The following SSC4D variants were observed in gnomAD, a reference collection of about 807,000 sequenced individuals.
The protein encoded by SSC4D is scavenger receptor cysteine rich family member with 4 domains, also known as scavenger receptor cysteine-rich domain-containing group B protein.
SSC4D carries 57 observed loss-of-function variants against 63.4 expected under a neutral mutation model. The observed-to-expected ratio is 0.90, with a 90% CI of 0.73 to 1.12. The LOEUF (loss-of-function observed/expected upper bound fraction) is 1.12, where lower values mean the gene tolerates loss of function less well. SSC4D is among the 50% of genes most tolerant of loss of function. The pLI, the probability that SSC4D is intolerant of heterozygous loss-of-function variation, is 0.00. For synonymous variants in SSC4D, 352 were observed against 345.4 expected (o/e 1.02, Z -0.21); for missense variants, 791 against 806.4 (o/e 0.98, Z 0.23).
intron 7 of SSC4D, 145 bp from the exon 8 acceptor site, chr7:76,394,049 C>G: frequency 1.3e-6 from 1 of 762,590 alleles, no homozygotes; most frequent in East Asian, 3.0e-5. Flanking sequence ...ACCACGTTGT[C>G]TGGCGCGGGT....
intron 1 of SSC4D, among the ~76,000 whole-genome samples, chr7:76,405,014 G>A (rs183186299): frequency 6.6e-6 from 1 of 151,508 alleles, no homozygotes; most frequent in East Asian, 2.0e-4. Context: ...AAGTTGCAGT[G>A]AGCTGAGATC....
At position 76,393,502 on chromosome 7, in the gene SSC4D, G is replaced by T; in HGVS notation, c.1236C>A (p.Gly412=). Residue 412 remains glycine, a synonymous_variant, in exon 9 of 11, where the codon GGC becomes GGA. Transcript: ENST00000275560. ...GRGPVLLDNV[G]CAGTEARLSD... ...TCAGGCGAGCCTCGGTGCCGGCGCA[G>T]CCCACGTTGTCCAGCAGCACGGGGC... The T allele has an allele frequency of 6.6e-7, 1 of 1,525,192 alleles. No individual in the cohort carries two copies. The highest frequency in any genetic ancestry group is 8.7e-7 in the Non-Finnish European group (1 of 1,143,256). 94.5% of individuals were successfully genotyped at this position (1,525,192 alleles called of 1,614,324 possible).
Position 76,404,446 on chromosome 7 carries a change from G to A in SSC4D, c.-7C>T, listed in dbSNP as rs1804934215. The A allele has an allele frequency of 2.5e-6, 4 of 1,613,888 alleles. No individual in the cohort carries two copies. Reference sequence around the variant, plus strand: ...TCTCTGCTTCCTTGTGCATCTAGATGGTGAAGGGTGTTTCAGATGCTCCCA... The same window carrying A: ...TCTCTGCTTCCTTGTGCATCTAGATAGTGAAGGGTGTTTCAGATGCTCCCA... On this transcript the variant is annotated 5_prime_UTR_variant, in exon 2 of 11. Coordinates refer to ENST00000275560, the MANE Select transcript of SSC4D (RefSeq NM_080744.2).
chr7:76,394,765 A>G (rs984003458), intron 7 of SSC4D, among the ~76,000 whole-genome samples: 2 of 144,148 alleles, frequency 1.4e-5, no homozygotes, highest in Admixed American at 1.4e-4. Flanking sequence ...ATATATATAT[A>G]TATAAAATAT....
rs1804566239 is a variant in SSC4D, at chr7:76,393,839, C to T, written c.1012G>A (p.Gly338Arg). 6.3e-7 allele frequency: 1 copy of T among 1,598,930 alleles called. No homozygotes were observed. Among genetic ancestry groups the T allele is most frequent in the Non-Finnish European group, 8.5e-7 (1 of 1,171,894 alleles). ...ALLTTAAWAA[G>R]KKSGRLRLVG... ...AGGCACCGCCACTTACTTTTCTTCCCCGCGGCCCAGGCGGCGGTGGTGAGC... is the reference window on the plus strand; with the variant it reads ...AGGCACCGCCACTTACTTTTCTTCCTCGCGGCCCAGGCGGCGGTGGTGAGC... The change falls in exon 8 of 11, where the codon GGG becomes AGG. Residue 338 changes from glycine to arginine, a missense_variant. Coordinates refer to ENST00000275560, the MANE Select transcript of SSC4D (RefSeq NM_080744.2).
intron 9 of SSC4D, 39 bp from the exon 10 acceptor site, chr7:76,392,080 C>A (rs764623489): frequency 6.5e-7 from 1 of 1,547,092 alleles, no homozygotes; most frequent in Non-Finnish European, 8.7e-7. Context: ...GTGGCTCTCA[C>A]AATGGGAAGC....
At chr7:76,393,997 C>G in intron 7 of SSC4D, 93 bp from the exon 8 acceptor site, 1 of 1,289,102 alleles carries the variant, frequency 7.8e-7, no homozygotes, top group Non-Finnish European at 1.1e-6. Flanking sequence ...GACCCCCAAC[C>G]CTACCACACC....
chr7:76,393,827 T>TA lies in SSC4D; in HGVS notation c.1021+2dup, dbSNP rs1804565859. 7 of 1,590,608 alleles carry TA rather than the reference T, an allele frequency of 4.4e-6. No individual in the cohort carries two copies. Among genetic ancestry groups the TA allele is most frequent in the Non-Finnish European group, 6.0e-6 (7 of 1,167,120 alleles). On this transcript the variant is annotated splice_region_variant and intron_variant, in intron 8 of 10. Transcript: ENST00000275560. Reference sequence around the variant, plus strand: ...CCCCGCAGACCCAGGCACCGCCACTTACTTTTCTTCCCCGCGGCCCAGGCG... The same window carrying TA: ...CCCCGCAGACCCAGGCACCGCCACTTAACTTTTCTTCCCCGCGGCCCAGGCG...
At chr7:76,394,011 A>AC (rs1804571271) in intron 7 of SSC4D, 107 bp from the exon 8 acceptor site, 1 of 1,127,450 alleles carries the variant, frequency 8.9e-7, no homozygotes, top group Non-Finnish European at 1.3e-6. Context: ...CCACACCCGT[A>AC]CCCCCACTCA....
In SSC4D at chr7:76,397,654, G is replaced by A. The variant is rs199654774; in HGVS notation, c.732C>T (p.Phe244=). 2.2e-5 allele frequency: 36 copies of A among 1,613,672 alleles called. No homozygotes were observed. The Middle Eastern group carries it at 4.9e-4, about 22-fold the overall frequency. ...GCAGGATGTGTCCGGTGCCATAGCCGAAGAAGGCGTTGGTGGTGGCGGCCA... is the reference window on the plus strand; with the variant it reads ...GCAGGATGTGTCCGGTGCCATAGCCAAAGAAGGCGTTGGTGGTGGCGGCCA... ...AAMAATTNAF[F]GYGTGHILLD... is the part of the protein sequence containing the mutation. The change falls in exon 6 of 11, where the codon TTC becomes TTT. Residue 244 remains phenylalanine, a synonymous_variant. Transcript: ENST00000275560.
At chr7:76,405,998 C>A (rs1805015749) in intron 1 of SSC4D, among the ~76,000 whole-genome samples, 1 of 142,592 alleles carries the variant, frequency 7.0e-6, no homozygotes, top group South Asian at 2.2e-4. Context: ...CTTTTCTTTT[C>A]TTTCTTTGAT....
intron 6 of SSC4D, among the ~76,000 whole-genome samples, chr7:76,396,478 G>C (rs1259157152): frequency 1.3e-5 from 2 of 152,210 alleles, no homozygotes; most frequent in Non-Finnish European, 2.9e-5. Flanking sequence ...ACTGCCTATG[G>C]GGTAGCCCTG....
chr7:76,395,837 G>A (rs763969306), intron 6 of SSC4D, among the ~76,000 whole-genome samples: 15 of 152,304 alleles, frequency 9.8e-5, no homozygotes, highest in African/African-American at 3.6e-4. Flanking sequence ...GATTACAGGC[G>A]CCTGCCAGCA....
chr7:76,405,454 T>C (rs1466775004), intron 1 of SSC4D, among the ~76,000 whole-genome samples: 1 of 144,960 alleles, frequency 6.9e-6, no homozygotes, highest in African/African-American at 2.5e-5. Flanking sequence ...AGTGCTGAAA[T>C]TACAGGCGTG....
intron 7 of SSC4D, among the ~76,000 whole-genome samples, chr7:76,394,398 T>C (rs541683399): frequency 1.4e-5 from 2 of 147,072 alleles, no homozygotes; most frequent in South Asian, 2.2e-4. Flanking sequence ...CGACCCACCA[T>C]GCCCAGCTAA....
In SSC4D at chr7:76,400,310, C is replaced by G. The variant is rs146956663; in HGVS notation, c.451G>C (p.Glu151Gln). The G allele has an allele frequency of 2.0e-6, 3 of 1,501,778 alleles. No homozygotes were observed. In the Admixed American group the frequency reaches 6.7e-5, roughly 34 times the overall value. 93.0% of individuals were successfully genotyped at this position (1,501,778 alleles called of 1,614,324 possible). A position where few individuals can be genotyped will look rare whatever the true frequency, so the allele number is the denominator to read the frequency against. Reference protein sequence around the residue: ...GWGVHNCFHYEDVAVLCDEFL... With the variant: ...GWGVHNCFHYQDVAVLCDEFL... ...CCATCACACAGGACAGCCACATCCT[C>G]GTAGTGAAAGCAATTGTGGACGCCC... Residue 151 changes from glutamate (E) to glutamine (Q), a missense_variant, in exon 4 of 11, where the codon GAG becomes CAG. Glu to Gln is a conservative substitution (Grantham distance 29). Transcript: ENST00000275560.
chr7:76,398,997 TTTG>T (rs1234482733), intron 4 of SSC4D, among the ~76,000 whole-genome samples, 200 bp from the exon 5 acceptor site: 34 of 152,128 alleles, frequency 2.2e-4, no homozygotes, highest in South Asian at 4.1e-4. Context: ...AAGCACGGTT[TTTG>T]TTGTTGTTTT....
chr7:76,406,747 G>T (rs1220827576), intron 1 of SSC4D, among the ~76,000 whole-genome samples: 1 of 149,964 alleles, frequency 6.7e-6, no homozygotes, highest in Non-Finnish European at 1.5e-5. Context: ...CTCCTGTCTT[G>T]CACTTTTTTT....
chr7:76,397,521 C>A lies in SSC4D; in HGVS notation c.865G>T (p.Ala289Ser). Residue 289 changes from alanine to serine, a missense_variant, in exon 6 of 11, where the codon GCA becomes TCA. By Grantham distance (99) the Ala-to-Ser change is moderately conservative. Coordinates refer to ENST00000275560, the MANE Select transcript of SSC4D (RefSeq NM_080744.2). ...GHHEDAGALCAGLGPPTLTAL... is the reference protein window; with the variant it reads ...GHHEDAGALCSGLGPPTLTAL... ...CCATCGCCCCTAGAGCCCGCACCTG[C>A]GCAGAGCGCGCCCGCGTCCTCGTGG... The A allele has an allele frequency of 6.5e-7, 1 of 1,549,534 alleles. No homozygotes were observed. Among genetic ancestry groups the A allele is most frequent in the Non-Finnish European group, 8.7e-7 (1 of 1,149,070 alleles).
Sources: allele counts gnomAD v4.1 joint callset (sites outside exome capture counted in the v4.1 genomes callset), GRCh38; gene constraint gnomAD v4.1.1; transcripts MANE v1.5; gene names NCBI Gene and HGNC (gene_info 2026-07-23, HGNC 2026-07-21).